IARS2: variants seen among roughly 807,000 people sequenced by gnomAD.
The protein encoded by IARS2 is isoleucine--tRNA ligase, mitochondrial.
In IARS2, 56 loss-of-function variants were observed where a neutral mutation model predicts 126.3. That is an observed-to-expected ratio of 0.44 (90% confidence interval 0.36 to 0.55). The LOEUF (loss-of-function observed/expected upper bound fraction) is 0.55. Ranked by LOEUF, IARS2 falls within the 20% of genes least tolerant of loss-of-function variation. The pLI, the probability that IARS2 is intolerant of heterozygous loss-of-function variation, is 0.00. For missense variants in IARS2, 1,127 were observed against 1,245.9 expected (o/e 0.90, Z 1.44); for synonymous variants, 407 against 441.1 (o/e 0.92, Z 0.97).
Position 220,096,772 on chromosome 1 carries a change from C to T in IARS2, c.390+546C>T, listed in dbSNP as rs369068738. Reference sequence around the variant, plus strand: ...CAATAGTGCTATTAAAGAGACCAGGCGCAGTGGCTCACGCCTGTAATCCCA... The same window carrying T: ...CAATAGTGCTATTAAAGAGACCAGGTGCAGTGGCTCACGCCTGTAATCCCA... On this transcript the variant is annotated intron_variant, in intron 2 of 22. Transcript: ENST00000366922. Among the ~76,000 whole-genome samples the T allele has an allele frequency of 3.9e-5, 6 of 152,276 alleles. No individual in the cohort carries two copies. The East Asian group carries it at 5.8e-4, about 15-fold the overall frequency.
chr1:220,136,921 T>A lies in IARS2; in HGVS notation c.2049+10T>A. ...CGTTAATGGAGGACAAGTAGGTGAT[T>A]CTCTAAAATGTATTTTATTTTCGTT... On this transcript the variant is annotated intron_variant, in intron 16 of 22. Coordinates refer to ENST00000366922, the MANE Select transcript of IARS2 (RefSeq NM_018060.4). The A allele has an allele frequency of 6.6e-7, 1 of 1,522,024 alleles. No individual in the cohort carries two copies. The highest frequency in any genetic ancestry group is 9.1e-7 in the Non-Finnish European group (1 of 1,100,868). The allele number at this position is 1,522,024 out of a possible 1,614,324, so 94.3% of individuals were successfully genotyped here.
chr1:220,125,372 A>G (rs985674623), intron 13 of IARS2, 33 bp downstream of exon 13: 3 of 1,316,102 alleles, frequency 2.3e-6, no homozygotes, highest in Non-Finnish European at 3.3e-6. Flanking sequence ...CAGCCTTTGT[A>G]TGTATTACAG....
At chr1:220,105,751 G>A (rs1656666706) in intron 8 of IARS2, 140 bp from the exon 9 acceptor site, 4 of 668,904 alleles carry the variant, frequency 6.0e-6, no homozygotes, top group African/African-American at 1.8e-5. Flanking sequence ...CACAGAACAA[G>A]TTAAAGGGGA....
intron 9 of IARS2, among the ~76,000 whole-genome samples, chr1:220,106,389 T>G (rs1269936702): frequency 1.3e-5 from 2 of 152,152 alleles, no homozygotes; most frequent in East Asian, 3.9e-4. Context: ...CCTTTCTACA[T>G]TTACTTTACA....
chr1:220,145,555 T>G lies in IARS2; in HGVS notation c.2798T>G (p.Leu933Ter). 3 of 1,613,766 alleles carry G rather than the reference T, an allele frequency of 1.9e-6. No homozygotes were observed. The highest frequency in any genetic ancestry group is 2.5e-6 in the Non-Finnish European group (3 of 1,179,716). Residue 933 changes from leucine to a stop codon, truncating the protein, a stop_gained, in exon 22 of 23, where the codon TTA becomes TGA. Transcript: ENST00000366922. LOFTEE classifies it high-confidence loss of function. ...ETSSTSQLNE[L>*]MMASESTLLA... is the part of the protein sequence containing the mutation. ...TCCAGCACCTCTCAGTTGAATGAAT[T>G]AATGATGGCTTCTGAGTCAACTTTA...
At position 220,147,508 on chromosome 1, in the gene IARS2, AAG is replaced by A. The variant is rs1657626350; in HGVS notation, c.2915_2916del (p.Glu972ValfsTer4). 3.1e-6 allele frequency: 5 copies of A among 1,614,028 alleles called. No homozygotes were observed. The highest frequency in any genetic ancestry group is 1.1e-5 in the South Asian group (1 of 91,088). On this transcript the variant is annotated frameshift_variant, in exon 23 of 23. Coordinates refer to ENST00000366922, the MANE Select transcript of IARS2 (RefSeq NM_018060.4). LOFTEE classifies it high-confidence loss of function. ...TTTTTTATAGGTGGTGATATTCGTG[AAG>A]AGTCTTCCTATAAAGTAATTGTCAT...
chr1:220,144,369 C>T (rs572126237), intron 21 of IARS2: 37 of 640,212 alleles, frequency 5.8e-5, no homozygotes, highest in Admixed American at 1.0e-4. Context: ...TGCAGAAAGA[C>T]GGTGGAAGAG....
intron 19 of IARS2, 40 bp from the exon 20 acceptor site, chr1:220,141,763 T>G: frequency 6.2e-7 from 1 of 1,606,820 alleles, no homozygotes; most frequent in Non-Finnish European, 8.5e-7. Flanking sequence ...CCATAATGTA[T>G]AAAGTATTGT....
chr1:220,114,031 T>C (rs1451821185), intron 11 of IARS2, among the ~76,000 whole-genome samples: 1 of 152,158 alleles, frequency 6.6e-6, no homozygotes, highest in African/African-American at 2.4e-5. Context: ...AAATTAGAAA[T>C]TGGTATGAAA....
Position 220,135,453 on chromosome 1 carries a change from C to T in IARS2, c.1946+943C>T, listed in dbSNP as rs142877733. Among the ~76,000 whole-genome samples the T allele has an allele frequency of 4.3e-3, 655 of 151,952 alleles. 6 individuals are homozygous for T. The highest frequency in any genetic ancestry group is 0.015 in the African/African-American group (606 of 41,446). ...TTGGCTCACTGCAGCCTCTGTCTCC[C>T]GGGTTCAAGCGATTCTCCTGCCTCA... On this transcript the variant is annotated intron_variant, in intron 15 of 22. Coordinates refer to ENST00000366922, the MANE Select transcript of IARS2 (RefSeq NM_018060.4).
At chr1:220,139,661 G>A (rs1657448417) in intron 18 of IARS2, among the ~76,000 whole-genome samples, 1 of 152,160 alleles carries the variant, frequency 6.6e-6, no homozygotes, top group Admixed American at 6.5e-5. Flanking sequence ...TGAGGCAGGA[G>A]AATCGCTTGA....
At chr1:220,102,324 A>G in intron 4 of IARS2, 39 bp from the exon 5 acceptor site, 2 of 1,609,598 alleles carry the variant, frequency 1.2e-6, no homozygotes, top group Non-Finnish European at 1.7e-6. Context: ...TATGCGTTAC[A>G]AGATTCTACT....
At chr1:220,135,082 G>C (rs1158634320) in intron 15 of IARS2, among the ~76,000 whole-genome samples, 1 of 151,806 alleles carries the variant, frequency 6.6e-6, no homozygotes, top group Non-Finnish European at 1.5e-5. Context: ...ACTAGATCTT[G>C]ATCTATGGTA....
rs1656396392 is a variant in IARS2, at chr1:220,094,542, G to A, written c.267+59G>A. ...GAGGCCCGATCCGGCCGCGGGCACC[G>A]GGCGCTCGCAGGCGCCACACCTCTA... On this transcript the variant is annotated intron_variant, in intron 1 of 22. Transcript: ENST00000366922. 2.1e-6 allele frequency: 3 copies of A among 1,443,232 alleles called. No homozygotes were observed. In the East Asian group the frequency reaches 7.5e-5, roughly 36 times the overall value. The allele number at this position is 1,443,232 out of a possible 1,614,324, so 89.4% of individuals were successfully genotyped here. A position where few individuals can be genotyped will look rare whatever the true frequency, so the allele number is the denominator to read the frequency against.
At chr1:220,115,039 A>G (rs1656886644) in intron 12 of IARS2, among the ~76,000 whole-genome samples, 2 of 151,926 alleles carry the variant, frequency 1.3e-5, no homozygotes, top group African/African-American at 2.4e-5. Flanking sequence ...TTCCTACTCC[A>G]GGTATCCAGA....
intron 19 of IARS2, 64 bp from the exon 20 acceptor site, chr1:220,141,739 T>G (rs1571864940): frequency 6.5e-7 from 1 of 1,531,952 alleles, no homozygotes. Flanking sequence ...CTGAGGCAGG[T>G]CCCATCTAGG....
chr1:220,114,259 C>A, intron 11 of IARS2, 55 bp from the exon 12 acceptor site: 4 of 1,498,430 alleles, frequency 2.7e-6, no homozygotes, highest in South Asian at 1.1e-5. Flanking sequence ...ATTGACTGTT[C>A]TAGAATACTT....
intron 10 of IARS2, among the ~76,000 whole-genome samples, chr1:220,109,224 C>A (rs1231020508): frequency 6.6e-6 from 1 of 151,966 alleles, no homozygotes; most frequent in Non-Finnish European, 1.5e-5. Flanking sequence ...CATGGTGAAA[C>A]CCTGTGTCTA....
chr1:220,098,689 TC>T (rs546286330), intron 2 of IARS2, among the ~76,000 whole-genome samples: 3 of 152,284 alleles, frequency 2.0e-5, no homozygotes, highest in Admixed American at 2.0e-4. Flanking sequence ...GATAAATGAC[TC>T]TTAAAAGTAT....
Sources: gnomAD v4.1 joint callset for allele counts (sites outside exome capture counted in the v4.1 genomes callset) on GRCh38, gnomAD v4.1.1 for gene constraint, MANE v1.5 for transcripts, NCBI Gene and HGNC (gene_info 2026-07-23, HGNC 2026-07-21) for gene names.